Variants in ZNF407 observed in about 807,000 individuals in gnomAD.
ZNF407 encodes the protein zinc finger protein 407.
ZNF407 carries 17 observed loss-of-function variants against 131.2 expected under a neutral mutation model. That is an observed-to-expected ratio of 0.13 (90% CI 0.09 to 0.19). The LOEUF (loss-of-function observed/expected upper bound fraction) is 0.19. Ranked by LOEUF, ZNF407 falls within the 10% of genes least tolerant of loss-of-function variation. The probability of loss-of-function intolerance (pLI) is 1.00; values close to 1 mark genes in which losing one functional copy is unlikely to be tolerated. For missense variants in ZNF407, 2,681 were observed against 2,830.6 expected, an observed-to-expected ratio of 0.95 and a Z score of 1.20; for synonymous variants, 1,156 against 1,062.0, an observed-to-expected ratio of 1.09 and a Z score of -1.72.
chr18:74,696,499 T>G (rs1240354720), intron 3 of ZNF407, among the ~76,000 whole-genome samples: 1 of 152,182 alleles, frequency 6.6e-6, no homozygotes, highest in African/African-American at 2.4e-5. Context: ...AGCTGTTCTA[T>G]TCGGAGCAAT....
intron 4 of ZNF407, among the ~76,000 whole-genome samples, chr18:74,862,413 TAGG>T (rs1437400574): frequency 1.3e-5 from 2 of 152,168 alleles, no homozygotes; most frequent in Non-Finnish European, 2.9e-5. Context: ...ACAACAGTGA[TAGG>T]AGAGAAATAA....
At chr18:74,842,637 A>G (rs973758769) in intron 4 of ZNF407, among the ~76,000 whole-genome samples, 9 of 149,818 alleles carry the variant, frequency 6.0e-5, no homozygotes, top group African/African-American at 2.0e-4. Context: ...ATTCCTTTTC[A>G]TTTTCTTTGA....
At chr18:74,662,522 A>G (rs1465807677) in intron 3 of ZNF407, among the ~76,000 whole-genome samples, 1 of 152,228 alleles carries the variant, frequency 6.6e-6, no homozygotes, top group East Asian at 1.9e-4. Context: ...GCTAGGCTGT[A>G]TATTTACCCA....
chr18:74,721,115 A>G (rs1286183549), intron 3 of ZNF407, among the ~76,000 whole-genome samples: 1 of 151,880 alleles, frequency 6.6e-6, no homozygotes, highest in African/African-American at 2.4e-5. Flanking sequence ...TATTCTTATG[A>G]TTTATGAACA....
chr18:75,060,499 CTTTTTTTCTTTTTTTT>C (rs1379847915), intron 8 of ZNF407, among the ~76,000 whole-genome samples: 1 of 68,920 alleles, frequency 1.5e-5, no homozygotes, highest in Non-Finnish European at 3.1e-5. Flanking sequence ...TCTTTTTTTT[CTTTTTTTCTTTTTTTT>C]TTTTTTTTGC....
chr18:74,727,629 CAACT>C (rs766393330), intron 3 of ZNF407, among the ~76,000 whole-genome samples: 1 of 152,092 alleles, frequency 6.6e-6, no homozygotes, highest in Non-Finnish European at 1.5e-5. Flanking sequence ...CGTTACTTTT[CAACT>C]TTCAGAATTG....
chr18:74,768,685 A>G (rs1969296767), intron 3 of ZNF407, among the ~76,000 whole-genome samples: 1 of 152,202 alleles, frequency 6.6e-6, no homozygotes, highest in South Asian at 2.1e-4. Flanking sequence ...CACCGTTGTT[A>G]TATTCCAGTA....
At chr18:74,726,538 A>G (rs532690914) in intron 3 of ZNF407, among the ~76,000 whole-genome samples, 1 of 152,334 alleles carries the variant, frequency 6.6e-6, no homozygotes, top group African/African-American at 2.4e-5. Flanking sequence ...ATTTTGGAAT[A>G]TGTATATATG....
chr18:74,640,834 A>G (rs572774996), intron 2 of ZNF407, among the ~76,000 whole-genome samples, 174 bp from the exon 3 acceptor site: 1 of 152,342 alleles, frequency 6.6e-6, no homozygotes, highest in South Asian at 2.1e-4. Context: ...TCTTCAGAGT[A>G]AAATAATTAT....
intron 4 of ZNF407, among the ~76,000 whole-genome samples, chr18:74,810,739 A>G (rs1489131529): frequency 6.6e-6 from 1 of 152,196 alleles, no homozygotes. Flanking sequence ...TGAGAAAAAT[A>G]AGCAATGGGG....
In ZNF407 at chr18:74,803,908, C is replaced by T. The variant is rs960971549; in HGVS notation, c.4877+22406C>T. ...GAAAAATGTTCACGAGAATGCTTTA[C>T]AACGTGCCTTGAAAACATGAAGCAA... On this transcript the variant is annotated intron_variant, in intron 4 of 8. Transcript: ENST00000299687. 1.6e-5 allele frequency: 24 copies of T among 1,533,436 alleles called. No individual in the cohort carries two copies. In the African/African-American group the frequency reaches 3.2e-4, roughly 20 times the overall value. 95.0% of individuals were successfully genotyped at this position (1,533,436 alleles called of 1,614,324 possible). A position where few individuals can be genotyped will look rare whatever the true frequency, so the allele number is the denominator to read the frequency against.
chr18:74,763,048 T>G (rs986288255), intron 3 of ZNF407, among the ~76,000 whole-genome samples: 1 of 151,906 alleles, frequency 6.6e-6, no homozygotes, highest in Non-Finnish European at 1.5e-5. Flanking sequence ...ACCAGAAGAG[T>G]TTTAACTTTC....
At chr18:74,919,047 C>T (rs570679045) in intron 7 of ZNF407, among the ~76,000 whole-genome samples, 3 of 152,136 alleles carry the variant, frequency 2.0e-5, no homozygotes, top group South Asian at 2.1e-4. Flanking sequence ...AACACGTTTG[C>T]GTTTCAGCTT....
chr18:74,684,774 C>G (rs139711051), intron 3 of ZNF407, among the ~76,000 whole-genome samples: 27 of 152,186 alleles, frequency 1.8e-4, no homozygotes, highest in African/African-American at 6.5e-4. Flanking sequence ...CACGTGAGTT[C>G]GAACTTTAGT....
chr18:74,755,129 T>G (rs1452472038), intron 3 of ZNF407, among the ~76,000 whole-genome samples: 2 of 151,794 alleles, frequency 1.3e-5, no homozygotes, highest in African/African-American at 4.8e-5. Context: ...CTTTTGTTCT[T>G]TGTTGGTTTA....
chr18:74,632,612 A>G lies in ZNF407; in HGVS notation c.1593A>G (p.Thr531=), dbSNP rs1342938236. The G allele has an allele frequency of 1.2e-6, 2 of 1,614,066 alleles. No homozygotes were observed. The highest frequency in any genetic ancestry group is 1.7e-5 in the Admixed American group (1 of 60,032). The part of the protein sequence containing the change: ...ASGSQTLCAC[T]DCGQVATNRT... ...GCTCTCAGACGTTGTGTGCTTGTAC[A>G]GACTGTGGGCAAGTAGCTACAAATA... The change falls in exon 2 of 9, where the codon ACA becomes ACG. Residue 531 remains threonine, a synonymous_variant. Transcript: ENST00000299687.
intron 4 of ZNF407, among the ~76,000 whole-genome samples, chr18:74,855,417 A>C (rs547540396): frequency 2.0e-5 from 3 of 152,344 alleles, no homozygotes; most frequent in African/African-American, 7.2e-5. Flanking sequence ...ATGTAGCATA[A>C]TTTAACAGTA....
rs770946556 is a variant in ZNF407, at chr18:74,746,287, C to T, written c.4803-35141C>T. ...TCTGGATGAGTGAGTGGTGAGTAAT[C>T]GTGGAGGCCTAGGACATTACTGTAC... On this transcript the variant is annotated intron_variant, in intron 3 of 8. Coordinates refer to ENST00000299687, the MANE Select transcript of ZNF407 (RefSeq NM_017757.3). Among the ~76,000 whole-genome samples the T allele has an allele frequency of 5.3e-4, 80 of 152,178 alleles. 1 individual carries two copies. The highest frequency in any genetic ancestry group is 3.9e-4 in the Admixed American group (6 of 15,280).
chr18:74,937,408 G>A (rs1439297190), intron 8 of ZNF407, among the ~76,000 whole-genome samples: 3 of 152,152 alleles, frequency 2.0e-5, no homozygotes, highest in Admixed American at 2.0e-4. Flanking sequence ...AAACTTTAAA[G>A]ACTAGCACTA....
Sources: allele counts gnomAD v4.1 joint callset (sites outside exome capture counted in the v4.1 genomes callset), GRCh38; gene constraint gnomAD v4.1.1; transcripts MANE v1.5; gene names NCBI Gene and HGNC (gene_info 2026-07-23, HGNC 2026-07-21).